WIPI1: variants seen among roughly 807,000 people sequenced by gnomAD.
The protein encoded by WIPI1 is WD repeat domain, phosphoinositide interacting 1.
A neutral mutation model predicts 55.3 loss-of-function variants in WIPI1; 45 were observed. The ratio of observed to expected loss-of-function variants is 0.81; its 90% CI spans 0.64 to 1.04. WIPI1 has a LOEUF of 1.04. WIPI1 is among the 50% of genes least tolerant of loss of function. WIPI1 has a pLI of 0.00. For missense variants in WIPI1, 445 were observed against 559.0 expected, an observed-to-expected ratio of 0.80 and a Z score of 2.06; for synonymous variants, 195 against 217.6, an observed-to-expected ratio of 0.90 and a Z score of 0.92.
At position 68,450,847 on chromosome 17, in the gene WIPI1, C is replaced by A; in HGVS notation, c.214G>T (p.Val72Leu). The A allele has an allele frequency of 6.2e-7, 1 of 1,614,140 alleles. No individual in the cohort carries two copies. The highest frequency in any genetic ancestry group is 8.5e-7 in the Non-Finnish European group (1 of 1,180,032). ...IVERLFSSSL[V>L]VVVSHTKPRQ... ...GGTTTTGTGTGACTGACTACCACCA[C>A]CAGGCTGCTGGAGAAGAGGCGCTCC... is the stretch of plus-strand genomic sequence containing the variant. Residue 72 changes from valine to leucine, a missense_variant, in exon 3 of 13, where the codon GTG (valine) becomes TTG (leucine). Coordinates refer to ENST00000262139, the MANE Select transcript of WIPI1 (RefSeq NM_017983.7).
intron 4 of WIPI1, among the ~76,000 whole-genome samples, chr17:68,438,285 C>T (rs1236319935): frequency 2.6e-5 from 4 of 152,138 alleles, no homozygotes; most frequent in Non-Finnish European, 5.9e-5. Context: ...TCATTCCTGG[C>T]CCCAGCCTTA....
At chr17:68,453,064 C>T in intron 1 of WIPI1, 72 bp from the exon 2 acceptor site, 1 of 1,251,680 alleles carries the variant, frequency 8.0e-7, no homozygotes, top group Non-Finnish European at 1.2e-6. Flanking sequence ...AAATAGATGC[C>T]TTTTGCCCCC....
chr17:68,451,022 G>A (rs1050117317), intron 2 of WIPI1, 125 bp from the exon 3 acceptor site: 25 of 1,327,022 alleles, frequency 1.9e-5, no homozygotes, highest in African/African-American at 4.5e-5. Flanking sequence ...CCGGCCAGGC[G>A]CCCTCTCTGA....
chr17:68,457,286 CT>C (rs2084670243), intron 1 of WIPI1, 55 bp downstream of exon 1: 1 of 1,528,794 alleles, frequency 6.5e-7, no homozygotes, highest in East Asian at 2.7e-5. Context: ...GACGACACCC[CT>C]GGGTCCTGAC....
In WIPI1 at chr17:68,443,829, T is replaced by G. The variant is rs575164105; in HGVS notation, c.430+664A>C. On this transcript the variant is annotated intron_variant, in intron 4 of 12. Coordinates refer to ENST00000262139, the MANE Select transcript of WIPI1 (RefSeq NM_017983.7). ...TCATTAAATGTACAAGTTGTTCCAG[T>G]GTGCTGACTCCTCACCCCACCACAC... Among the ~76,000 whole-genome samples the G allele has an allele frequency of 2.6e-5, 4 of 152,358 alleles. No individual in the cohort carries two copies. The East Asian group carries it at 7.7e-4, about 29-fold the overall frequency.
At chr17:68,422,043 C>CTGTG in intron 12 of WIPI1, 1 of 584,970 alleles carries the variant, frequency 1.7e-6, no homozygotes, top group East Asian at 2.8e-5. Context: ...AAAAATGTCT[C>CTGTG]TGTGTGTGTG....
chr17:68,424,531 A>T, intron 12 of WIPI1: 1 of 533,454 alleles, frequency 1.9e-6, no homozygotes. Flanking sequence ...TCAGTGCCCA[A>T]GTGGCAGCTC....
chr17:68,434,461 C>T, intron 7 of WIPI1, 95 bp downstream of exon 7: 3 of 1,327,530 alleles, frequency 2.3e-6, no homozygotes, highest in Non-Finnish European at 3.1e-6. Context: ...GTGGAGGGCA[C>T]AGAGCCACTC....
rs1409913090 is a variant in WIPI1, at chr17:68,427,352, C to G, written c.1074-99G>C. 4.5e-6 allele frequency: 4 copies of G among 893,374 alleles called. No homozygotes were observed. The East Asian group carries it at 9.9e-5, about 22-fold the overall frequency. The allele number at this position is 893,374 out of a possible 1,614,324, so 55.3% of individuals were successfully genotyped here. A position where few individuals can be genotyped will look rare whatever the true frequency, so the allele number is the denominator to read the frequency against. On this transcript the variant is annotated intron_variant, in intron 10 of 12. Transcript: ENST00000262139. ...AGCATGAAGAAGCCTGTGCTCAGCT[C>G]TGTGGGTTATTTATTTATTTTTGAG...
At chr17:68,450,434 G>C (rs1568651067) in intron 3 of WIPI1, among the ~76,000 whole-genome samples, 1 of 152,198 alleles carries the variant, frequency 6.6e-6, no homozygotes, top group Non-Finnish European at 1.5e-5. Context: ...GTCCAAGCCA[G>C]AGCTCTGACC....
chr17:68,425,808 C>T (rs983499092), intron 12 of WIPI1: 8 of 388,360 alleles, frequency 2.1e-5, no homozygotes, highest in South Asian at 4.6e-5. Context: ...TCGCAGGCCT[C>T]TGGCTGGAGG....
Position 68,421,811 on chromosome 17 carries a change from A to G in WIPI1, c.1303T>C (p.Cys435Arg). The G allele has an allele frequency of 5.0e-6, 8 of 1,614,170 alleles. No homozygotes were observed. The highest frequency in any genetic ancestry group is 5.1e-6 in the Non-Finnish European group (6 of 1,180,036). ...DENEFPPIIL[C>R]RGNQKGKTKQ... ...GTTTTGCCCTTCTGATTTCCACGGC[A>G]CAAGATTATCTACCAAAATCAAAAC... Residue 435 changes from cysteine to arginine, a missense_variant, in exon 13 of 13, where the codon TGC becomes CGC. By Grantham distance (180) the Cys-to-Arg change is radical. Transcript: ENST00000262139.
At chr17:68,421,968 A>G (rs561386206) in intron 12 of WIPI1, 148 bp from the exon 13 acceptor site, 76 of 882,292 alleles carry the variant, frequency 8.6e-5, no homozygotes, top group Admixed American at 1.5e-4. Flanking sequence ...TCATGGCCAC[A>G]GAATGGTCAC....
chr17:68,435,843 G>T (rs917014592), intron 5 of WIPI1, 131 bp from the exon 6 acceptor site: 2 of 793,914 alleles, frequency 2.5e-6, no homozygotes, highest in Non-Finnish European at 2.1e-6. Flanking sequence ...TGTCCCCCAG[G>T]CCATCTGCAT....
chr17:68,441,049 G>A (rs566362041), intron 4 of WIPI1: 5 of 152,338 alleles, frequency 3.3e-5, no homozygotes, highest in African/African-American at 9.6e-5. Flanking sequence ...GCATTGCTGT[G>A]TGGTATGGAA....
intron 12 of WIPI1, chr17:68,424,417 GAA>G (rs2083014795): frequency 1.9e-6 from 1 of 534,288 alleles, no homozygotes. Flanking sequence ...ATCTGCGGGA[GAA>G]AGAAGCCAGA....
intron 1 of WIPI1, among the ~76,000 whole-genome samples, chr17:68,456,278 T>C (rs2084643974): frequency 6.6e-6 from 1 of 152,142 alleles, no homozygotes; most frequent in South Asian, 2.1e-4. Flanking sequence ...AACAGAAACA[T>C]AAAGGGAATG....
At position 68,421,632 on chromosome 17, in the gene WIPI1, C is replaced by T; in HGVS notation, c.*141G>A. The T allele has an allele frequency of 8.4e-7, 1 of 1,187,026 alleles. No homozygotes were observed. Among genetic ancestry groups the T allele is most frequent in the Non-Finnish European group, 1.2e-6 (1 of 811,434 alleles). The allele number at this position is 1,187,026 out of a possible 1,614,324, so 73.5% of individuals were successfully genotyped here. ...AAGCTTGGTGAGGAGTTAACCAGGTCCTGTGGTTTAAGCAGTGGAGCACCC... is the reference window on the plus strand; with the variant it reads ...AAGCTTGGTGAGGAGTTAACCAGGTTCTGTGGTTTAAGCAGTGGAGCACCC... On this transcript the variant is annotated 3_prime_UTR_variant, in exon 13 of 13. Transcript: ENST00000262139.
At chr17:68,450,447 T>C (rs2084454714) in intron 3 of WIPI1, among the ~76,000 whole-genome samples, 1 of 152,082 alleles carries the variant, frequency 6.6e-6, no homozygotes, top group African/African-American at 2.4e-5. Context: ...CTCTGACCCA[T>C]CCCTGCGGTG....
Sources: allele counts gnomAD v4.1 joint callset (sites outside exome capture counted in the v4.1 genomes callset), GRCh38; gene constraint gnomAD v4.1.1; transcripts MANE v1.5; gene names NCBI Gene and HGNC (gene_info 2026-07-23, HGNC 2026-07-21).